MICAL3: variants seen among roughly 807,000 people sequenced by gnomAD.
MICAL3 encodes the protein [F-actin]-monooxygenase MICAL3.
MICAL3 carries 62 observed loss-of-function variants against 207.4 expected under a neutral mutation model. The observed-to-expected ratio is 0.30, with a 90% CI of 0.24 to 0.37. The LOEUF is 0.37. Among genes scored for constraint, MICAL3 ranks in the 10% least tolerant of loss-of-function variants. The pLI is 1.00. For missense variants in MICAL3, 2,368 were observed against 2,635.6 expected (o/e 0.90, Z 2.22); for synonymous variants, 1,077 against 1,069.3 (o/e 1.01, Z -0.14).
intron 1 of MICAL3, among the ~76,000 whole-genome samples, chr22:17,956,274 G>A (rs528966561): frequency 2.0e-5 from 3 of 152,220 alleles, no homozygotes; most frequent in Non-Finnish European, 4.4e-5. Flanking sequence ...CTTCCAAACA[G>A]ACAGTTGCAG....
intron 1 of MICAL3, among the ~76,000 whole-genome samples, chr22:17,998,637 C>A (rs948991097): frequency 6.6e-6 from 1 of 151,406 alleles, no homozygotes; most frequent in Non-Finnish European, 1.5e-5. Flanking sequence ...CTCACTGCAA[C>A]CTCCACCTCC....
chr22:17,944,439 C>T (rs1234800703), intron 1 of MICAL3, among the ~76,000 whole-genome samples: 1 of 152,110 alleles, frequency 6.6e-6, no homozygotes, highest in African/African-American at 2.4e-5. Flanking sequence ...AACTGCAGAG[C>T]CAAGCTAATG....
In MICAL3 at chr22:17,818,267, G is replaced by A. The variant is rs755732777; in HGVS notation, c.4394C>T (p.Pro1465Leu). Residue 1465 changes from proline (P) to leucine (L), a missense_variant, in exon 26 of 32, where the codon CCG becomes CTG. This residue lies in a region of MICAL3 where 1,770 missense variants were observed against 1,863.2 expected (regional missense o/e 0.95). Coordinates refer to ENST00000441493, the MANE Select transcript of MICAL3 (RefSeq NM_015241.3). ...CCGCAAGGTGGCGGGCTCCTCGCCC[G>A]GGGGTGGCGGTGGGGGCGGGCTGGA... The part of the protein sequence containing the change: ...PPSSPPPPPP[P>L]GEEPATLRRK... 3.2e-5 allele frequency: 49 copies of A among 1,516,256 alleles called. No individual in the cohort carries two copies. Among genetic ancestry groups the A allele is most frequent in the South Asian group, 1.2e-4 (10 of 81,810 alleles). 93.9% of individuals were successfully genotyped at this position (1,516,256 alleles called of 1,614,324 possible).
At chr22:17,842,638 C>T (rs530652048) in intron 19 of MICAL3, among the ~76,000 whole-genome samples, 7 of 152,376 alleles carry the variant, frequency 4.6e-5, no homozygotes, top group Admixed American at 3.3e-4. Context: ...ACACCAGGCC[C>T]GACCGCTCAC....
chr22:17,854,583 C>T (rs1460073913), intron 19 of MICAL3, among the ~76,000 whole-genome samples: 1 of 152,112 alleles, frequency 6.6e-6, no homozygotes, highest in South Asian at 2.1e-4. Context: ...GAGGTGCATG[C>T]TGTGACAAAC....
chr22:17,871,734 G>T (rs5746488), intron 17 of MICAL3, 103 bp downstream of exon 17: 3 of 1,015,782 alleles, frequency 3.0e-6, no homozygotes, highest in Non-Finnish European at 4.2e-6. Context: ...TGGAAAAGAC[G>T]CACATGGAAT....
chr22:17,943,091 T>C (rs1194558743), intron 1 of MICAL3, among the ~76,000 whole-genome samples: 3 of 152,228 alleles, frequency 2.0e-5, no homozygotes, highest in African/African-American at 7.2e-5. Context: ...TGATTATTTT[T>C]TATTTCCCTG....
chr22:17,885,837 T>A, intron 16 of MICAL3, 41 bp downstream of exon 16: 1 of 1,598,890 alleles, frequency 6.3e-7, no homozygotes, highest in South Asian at 1.1e-5. Flanking sequence ...TCTTGTGTGA[T>A]CTGACCAAAT....
At chr22:17,887,136 T>C in intron 15 of MICAL3, 34 bp downstream of exon 15, 3 of 1,575,978 alleles carry the variant, frequency 1.9e-6, no homozygotes, top group Non-Finnish European at 2.6e-6. Context: ...CTATTCCACA[T>C]GACCATTCTA....
At chr22:17,857,574 C>A (rs1239693948) in intron 19 of MICAL3, among the ~76,000 whole-genome samples, 2 of 152,210 alleles carry the variant, frequency 1.3e-5, no homozygotes, top group Non-Finnish European at 2.9e-5. Flanking sequence ...ACAGTCACAC[C>A]TGGGCAGTCT....
At chr22:17,951,758 G>A (rs770540649) in intron 1 of MICAL3, among the ~76,000 whole-genome samples, 2 of 151,268 alleles carry the variant, frequency 1.3e-5, no homozygotes, top group African/African-American at 2.4e-5. Flanking sequence ...GTGCAGTGGC[G>A]CGATCTTGGC....
chr22:17,884,507 A>G, intron 16 of MICAL3: 1 of 609,184 alleles, frequency 1.6e-6, no homozygotes, highest in Non-Finnish European at 2.8e-6. Flanking sequence ...TCATTCTTAG[A>G]AAGTTACACT....
chr22:17,880,285 C>T (rs1029373428), intron 16 of MICAL3, among the ~76,000 whole-genome samples: 2 of 152,190 alleles, frequency 1.3e-5, no homozygotes, highest in African/African-American at 2.4e-5. Flanking sequence ...CCTGGTAAAA[C>T]GGAGCCAGTA....
chr22:17,909,207 C>G (rs893740114), intron 1 of MICAL3, among the ~76,000 whole-genome samples: 11 of 152,182 alleles, frequency 7.2e-5, no homozygotes, highest in African/African-American at 2.7e-4. Flanking sequence ...ACTCAACAAA[C>G]CCTCCTGGCT....
chr22:17,804,606 C>T lies in MICAL3; in HGVS notation c.5650+4238G>A, dbSNP rs778506939. On this transcript the variant is annotated intron_variant, in intron 29 of 31. Transcript: ENST00000441493. Reference sequence around the variant, plus strand: ...AGTTCCACAGCTGTCTGGCCAAGAGCGCTATGTAATTTCCACGCCTGAGAT... The same window carrying T: ...AGTTCCACAGCTGTCTGGCCAAGAGTGCTATGTAATTTCCACGCCTGAGAT... Among the ~76,000 whole-genome samples, 10 of 152,284 alleles carry T rather than the reference C, an allele frequency of 6.6e-5. No individual in the cohort carries two copies. In the South Asian group the frequency reaches 1.0e-3, roughly 16 times the overall value.
At chr22:17,881,326 C>T (rs1341997387) in intron 16 of MICAL3, 2 of 1,571,302 alleles carry the variant, frequency 1.3e-6, no homozygotes, top group Admixed American at 1.8e-5. Context: ...CAGACACAAA[C>T]AGAGAGAACA....
At position 17,789,275 on chromosome 22, in the gene MICAL3, CTT is replaced by C. The variant is rs1234477633; in HGVS notation, c.*1455_*1456del. On this transcript the variant is annotated 3_prime_UTR_variant, in exon 32 of 32. Coordinates refer to ENST00000441493, the MANE Select transcript of MICAL3 (RefSeq NM_015241.3). Reference sequence around the variant, plus strand: ...CACTCGCGTTTCCGTCTGGGTGAATCTTAGGCTGGGAGGAGGGAATTCTCACC... The same window carrying C: ...CACTCGCGTTTCCGTCTGGGTGAATCAGGCTGGGAGGAGGGAATTCTCACC... 1 of 152,296 alleles carries C rather than the reference CTT, an allele frequency of 6.6e-6. No homozygotes were observed. The highest frequency in any genetic ancestry group is 1.9e-4 in the East Asian group (1 of 5,206). The allele number at this position is 152,296 out of a possible 1,614,324, so 9.4% of individuals were successfully genotyped here.
At chr22:17,837,403 C>G (rs1184119671) in intron 20 of MICAL3, among the ~76,000 whole-genome samples, 2 of 152,242 alleles carry the variant, frequency 1.3e-5, no homozygotes, top group African/African-American at 4.8e-5. Flanking sequence ...AGAAAACATA[C>G]CTGTGTGTGC....
chr22:17,904,005 C>T (rs988726617), intron 3 of MICAL3, among the ~76,000 whole-genome samples: 2 of 152,236 alleles, frequency 1.3e-5, no homozygotes, highest in East Asian at 1.9e-4. Context: ...TATTCATACC[C>T]TGTAGGATCT....
Sources: allele counts gnomAD v4.1 joint callset (sites outside exome capture counted in the v4.1 genomes callset), GRCh38; gene constraint gnomAD v4.1.1; regional missense constraint gnomAD v4.1.1; transcripts MANE v1.5; gene names NCBI Gene and HGNC (gene_info 2026-07-23, HGNC 2026-07-21).